The following TYW1 variants were observed in gnomAD, a reference collection of about 807,000 sequenced individuals.
TYW1 encodes the protein S-adenosyl-L-methionine-dependent tRNA 4-demethylwyosine synthase TYW1.
Under a neutral mutation model 96.2 loss-of-function variants are expected in TYW1, and 46 were observed. That is an observed-to-expected ratio of 0.48 (90% CI 0.38 to 0.61). The LOEUF is 0.61. TYW1 is among the 20% of genes least tolerant of loss of function. The pLI, the probability that TYW1 is intolerant of heterozygous loss-of-function variation, is 0.00. For synonymous variants in TYW1, 274 were observed against 323.0 expected (o/e 0.85, Z 1.63); for missense variants, 684 against 909.6 (o/e 0.75, Z 3.19).
At chr7:67,165,110 C>A (rs1438315821) in intron 13 of TYW1, among the ~76,000 whole-genome samples, 2 of 151,892 alleles carry the variant, frequency 1.3e-5, no homozygotes, top group Non-Finnish European at 2.9e-5. Flanking sequence ...AAACTCTAGG[C>A]AGCACTGAAT....
chr7:67,128,145 C>G lies in TYW1; in HGVS notation c.1698+10527C>G, dbSNP rs1184165205. 2.0e-5 allele frequency among the ~76,000 whole-genome samples: 3 copies of G among 152,136 alleles called. No homozygotes were observed. The East Asian group carries it at 5.8e-4, about 29-fold the overall frequency. On this transcript the variant is annotated intron_variant, in intron 13 of 15. Transcript: ENST00000359626. ...AAATACTACTTTTGTTCTTTTCTCT[C>G]TTTCTTTTCCTCTTGGTATTCCTGT...
At position 67,067,192 on chromosome 7, in the gene TYW1, A is replaced by G. The variant is rs1795892723; in HGVS notation, c.1156-93A>G. The G allele has an allele frequency of 2.9e-6, 4 of 1,390,042 alleles. No homozygotes were observed. In the Admixed American group the frequency reaches 5.1e-5, roughly 18 times the overall value. 86.1% of individuals were successfully genotyped at this position (1,390,042 alleles called of 1,614,324 possible). A position where few individuals can be genotyped will look rare whatever the true frequency, so the allele number is the denominator to read the frequency against. ...ACCAGTAGGAGTATTCATGGTTACGAAACACATGGTTTCTCTTAAAAATGA... is the reference window on the plus strand; with the variant it reads ...ACCAGTAGGAGTATTCATGGTTACGGAACACATGGTTTCTCTTAAAAATGA... On this transcript the variant is annotated intron_variant, in intron 9 of 15. Coordinates refer to ENST00000359626, the MANE Select transcript of TYW1 (RefSeq NM_018264.4).
At chr7:67,029,882 C>T (rs1253554102) in intron 7 of TYW1, among the ~76,000 whole-genome samples, 4 of 152,012 alleles carry the variant, frequency 2.6e-5, no homozygotes, top group Non-Finnish European at 4.4e-5. Context: ...AAATTTCTTT[C>T]TAGAGACAAG....
At chr7:67,112,914 A>G (rs1797468645) in intron 12 of TYW1, among the ~76,000 whole-genome samples, 1 of 152,310 alleles carries the variant, frequency 6.6e-6, no homozygotes, top group Middle Eastern at 3.4e-3. Context: ...ATAAAACTTC[A>G]GTAAGCCAAA....
At chr7:67,095,476 C>T (rs1265256018) in intron 11 of TYW1, among the ~76,000 whole-genome samples, 1 of 143,184 alleles carries the variant, frequency 7.0e-6, no homozygotes, top group Non-Finnish European at 1.5e-5. Flanking sequence ...ATAGTGAAAC[C>T]CCATCTCTAC....
At chr7:67,005,902 GT>G (rs1362484708) in intron 3 of TYW1, among the ~76,000 whole-genome samples, 7 of 151,898 alleles carry the variant, frequency 4.6e-5, no homozygotes, top group Non-Finnish European at 8.8e-5. Flanking sequence ...TTCAGTCTTA[GT>G]AACCTCCTCT....
chr7:67,023,104 T>C (rs1303922707), intron 6 of TYW1, among the ~76,000 whole-genome samples: 1 of 152,166 alleles, frequency 6.6e-6, no homozygotes, highest in Non-Finnish European at 1.5e-5. Flanking sequence ...TTTTTTTCTT[T>C]TCTTTTTTTT....
chr7:67,223,967 C>T (rs926548430), intron 15 of TYW1, among the ~76,000 whole-genome samples: 60 of 152,072 alleles, frequency 3.9e-4, no homozygotes, highest in Middle Eastern at 3.4e-3. Flanking sequence ...GTGCTTTCTA[C>T]TCCAGCATCT....
chr7:67,103,912 C>T (rs1331352678), intron 12 of TYW1, among the ~76,000 whole-genome samples: 2 of 152,144 alleles, frequency 1.3e-5, no homozygotes, highest in Non-Finnish European at 2.9e-5. Context: ...GGCAGCTTGA[C>T]AGTCAATAGG....
At chr7:67,108,307 T>C (rs1329026474) in intron 12 of TYW1, among the ~76,000 whole-genome samples, 1 of 152,166 alleles carries the variant, frequency 6.6e-6, no homozygotes, top group African/African-American at 2.4e-5. Context: ...GGAACAGTAG[T>C]AGATTTTTAA....
intron 4 of TYW1, among the ~76,000 whole-genome samples, chr7:67,012,782 ATTGTATAAAGTTACC>A (rs1157357321): frequency 6.6e-6 from 1 of 152,150 alleles, no homozygotes; most frequent in East Asian, 1.9e-4. Flanking sequence ...TGTGAAAAAT[ATTGTATAAAGTTACC>A]TACAGGCTAT....
rs370455693 is a variant in TYW1, at chr7:67,049,930, C to T, written c.985-19C>T. On this transcript the variant is annotated intron_variant, in intron 7 of 15. Transcript: ENST00000359626. ...CACATTACCAATTCTGGATTTCATT[C>T]TTTTTTATTTTAATGCAGAGAGAAA... The T allele has an allele frequency of 8.1e-6, 13 of 1,613,116 alleles. No homozygotes were observed. In the East Asian group the frequency reaches 2.9e-4, roughly 36 times the overall value.
rs577379071 is a variant in TYW1 at position 67,196,263 on chromosome 7, C to T, written c.1977+926C>T. On this transcript the variant is annotated intron_variant, in intron 15 of 15. Coordinates refer to ENST00000359626, the MANE Select transcript of TYW1 (RefSeq NM_018264.4). Reference sequence around the variant, plus strand: ...TTCTGCTTGGTTTATTTCAAAAATGCTATTTTGTATAATTTCTATTTCCCT... The same window carrying T: ...TTCTGCTTGGTTTATTTCAAAAATGTTATTTTGTATAATTTCTATTTCCCT... Among the ~76,000 whole-genome samples, 3 of 151,948 alleles carry T rather than the reference C, an allele frequency of 2.0e-5. No individual in the cohort carries two copies. In the South Asian group the frequency reaches 6.2e-4, roughly 32 times the overall value.
At chr7:67,161,476 G>A (rs1799160315) in intron 13 of TYW1, among the ~76,000 whole-genome samples, 1 of 152,104 alleles carries the variant, frequency 6.6e-6, no homozygotes, top group Non-Finnish European at 1.5e-5. Context: ...TTGGAATTTT[G>A]GTTTGCAGGC....
intron 7 of TYW1, among the ~76,000 whole-genome samples, chr7:67,032,897 T>C (rs1390898067): frequency 1.6e-5 from 2 of 126,970 alleles, no homozygotes; most frequent in Non-Finnish European, 3.3e-5. Flanking sequence ...TTTTTTTTTT[T>C]TTTTTTTTTT....
At chr7:67,205,396 G>T (rs907136708) in intron 15 of TYW1, among the ~76,000 whole-genome samples, 8 of 151,866 alleles carry the variant, frequency 5.3e-5, no homozygotes, top group Non-Finnish European at 1.0e-4. Context: ...CGGGGGGGGG[G>T]CCTTATTGCT....
chr7:67,219,844 GGTTTT>G (rs1441169215), intron 15 of TYW1, among the ~76,000 whole-genome samples: 5 of 124,636 alleles, frequency 4.0e-5, no homozygotes, highest in South Asian at 5.0e-4. Flanking sequence ...GGGTTTTGTG[GGTTTT>G]TTTTTTTTTT....
intron 15 of TYW1, among the ~76,000 whole-genome samples, chr7:67,237,028 T>G (rs1475255808): frequency 2.0e-5 from 3 of 151,926 alleles, no homozygotes; most frequent in East Asian, 3.9e-4. Context: ...TGGGATTACA[T>G]GCACACACCA....
Position 67,055,863 on chromosome 7 carries a change from G to A in TYW1, c.1131G>A (p.Gly377=). ...ATCAGTTGATTGGGAGCCACTCGGGGGTGAAGCTTTGCAGGTGGACAAAGG... is the reference window on the plus strand; with the variant it reads ...ATCAGTTGATTGGGAGCCACTCGGGAGTGAAGCTTTGCAGGTGGACAAAGG... ...QGYQLIGSHS[G]VKLCRWTKSM... is the part of the protein sequence containing the mutation. Residue 377 remains glycine (G), a synonymous_variant, in exon 9 of 16, where the codon GGG becomes GGA. Transcript: ENST00000359626. 1 of 1,612,838 alleles carries A rather than the reference G, an allele frequency of 6.2e-7. No individual in the cohort carries two copies. Among genetic ancestry groups the A allele is most frequent in the Non-Finnish European group, 8.5e-7 (1 of 1,179,318 alleles).
Sources: allele counts gnomAD v4.1 joint callset (sites outside exome capture counted in the v4.1 genomes callset), GRCh38; gene constraint gnomAD v4.1.1; transcripts MANE v1.5; gene names NCBI Gene and HGNC (gene_info 2026-07-23, HGNC 2026-07-21).